RNF43: variants seen among roughly 807,000 people sequenced by gnomAD.
RNF43 encodes E3 ubiquitin-protein ligase RNF43.
Under a neutral mutation model 78.4 loss-of-function variants are expected in RNF43, and 37 were observed. That is an observed-to-expected ratio of 0.47 (90% confidence interval 0.36 to 0.62). The LOEUF (loss-of-function observed/expected upper bound fraction) is 0.62, where lower values mean the gene tolerates loss of function less well. Ranked by LOEUF, RNF43 falls within the 20% of genes least tolerant of loss-of-function variation. The probability of loss-of-function intolerance (pLI) is 0.00; values close to 1 mark genes in which losing one functional copy is unlikely to be tolerated. For synonymous variants in RNF43, 347 were observed against 395.0 expected (o/e 0.88, Z 1.44); for missense variants, 774 against 1,007.9 (o/e 0.77, Z 3.14).
rs2158460 is a variant in RNF43 at position 58,355,001 on chromosome 17, C to A, written c.2309-15G>T. The A allele has an allele frequency of 6.2e-7, 1 of 1,612,452 alleles. No homozygotes were observed. Among genetic ancestry groups the A allele is most frequent in the South Asian group, 1.1e-5 (1 of 91,010 alleles). On this transcript the variant is annotated splice_polypyrimidine_tract_variant and intron_variant, in intron 9 of 9. Coordinates refer to ENST00000407977, the MANE Select transcript of RNF43 (RefSeq NM_017763.6). The stretch of plus-strand genomic sequence containing the variant: ...CTCCTCTGAGCCTGTATTTAGAGAG[C>A]GGGGAGGAAAGAGGTCATTGAGGGT...
intron 2 of RNF43, among the ~76,000 whole-genome samples, chr17:58,414,469 G>T (rs1974085432): frequency 6.6e-6 from 1 of 152,174 alleles, no homozygotes; most frequent in African/African-American, 2.4e-5. Flanking sequence ...ATCATTTTAT[G>T]GAGTAAGACA....
chr17:58,403,269 T>C (rs1202468014), intron 2 of RNF43, among the ~76,000 whole-genome samples: 1 of 152,210 alleles, frequency 6.6e-6, no homozygotes, highest in Non-Finnish European at 1.5e-5. Context: ...CTTGCTAATG[T>C]TGCAAGTTTG....
intron 2 of RNF43, among the ~76,000 whole-genome samples, chr17:58,381,523 C>T (rs1185564895): frequency 6.6e-6 from 1 of 152,190 alleles, no homozygotes; most frequent in Non-Finnish European, 1.5e-5. Context: ...TGTAGCCTTC[C>T]AGGCAGGGGA....
At chr17:58,369,336 T>C (rs889211401) in intron 3 of RNF43, among the ~76,000 whole-genome samples, 1 of 152,026 alleles carries the variant, frequency 6.6e-6, no homozygotes, top group Non-Finnish European at 1.5e-5. Context: ...ATCTCTGGAG[T>C]CCCCTTCCTT....
In RNF43 at chr17:58,363,263, T is replaced by C; in HGVS notation, c.582+12A>G. ...AAGTGCAGGGCAAGGTCTGGAGGTC[T>C]AGTGTGCTTACCCAGGCCGGGGGCT... On this transcript the variant is annotated intron_variant, in intron 5 of 9. Transcript: ENST00000407977. 2 of 1,612,856 alleles carry C rather than the reference T, an allele frequency of 1.2e-6. No homozygotes were observed. Among genetic ancestry groups the C allele is most frequent in the Non-Finnish European group, 1.7e-6 (2 of 1,179,982 alleles).
intron 2 of RNF43, among the ~76,000 whole-genome samples, chr17:58,401,468 A>G (rs1851018878): frequency 6.6e-6 from 1 of 152,198 alleles, no homozygotes; most frequent in African/African-American, 2.4e-5. Context: ...GTCATAAAGA[A>G]CTTGACTTTT....
rs550605461 is a variant in RNF43 at position 58,354,712 on chromosome 17, T to G, written c.*231A>C. Reference sequence around the variant, plus strand: ...CAGCAGCTGGTTGCCTGGCTGGACATGGATTTGCTGCACTGCAGATGTTTT... The same window carrying G: ...CAGCAGCTGGTTGCCTGGCTGGACAGGGATTTGCTGCACTGCAGATGTTTT... On this transcript the variant is annotated 3_prime_UTR_variant, in exon 10 of 10. Coordinates refer to ENST00000407977, the MANE Select transcript of RNF43 (RefSeq NM_017763.6). The G allele has an allele frequency of 1.8e-6, 1 of 557,172 alleles. No individual in the cohort carries two copies. The allele number at this position is 557,172 out of a possible 1,614,324, so 34.5% of individuals were successfully genotyped here. A position where few individuals can be genotyped will look rare whatever the true frequency, so the allele number is the denominator to read the frequency against.
At chr17:58,401,478 T>C (rs577773664) in intron 2 of RNF43, among the ~76,000 whole-genome samples, 1 of 152,342 alleles carries the variant, frequency 6.6e-6, no homozygotes, top group African/African-American at 2.4e-5. Context: ...ACTTGACTTT[T>C]GATTCCATTG....
rs2143440821 is a variant in RNF43 at position 58,360,255 on chromosome 17, G to A, written c.850-4C>T. 1.2e-6 allele frequency: 2 copies of A among 1,611,632 alleles called. No homozygotes were observed. Among genetic ancestry groups the A allele is most frequent in the Non-Finnish European group, 1.7e-6 (2 of 1,177,792 alleles). ...GGCAGGAAATGACCCGTAGCTCCTG[G>A]AGAAAAAGAGGGGGTCCAAACCAAA... On this transcript the variant is annotated splice_region_variant and splice_polypyrimidine_tract_variant and intron_variant, in intron 7 of 9. Transcript: ENST00000407977. The surrounding 1 kb of genome is among the most constrained non-coding windows in gnomAD (Gnocchi z 4.3).
At chr17:58,397,475 A>G (rs975076910) in intron 2 of RNF43, among the ~76,000 whole-genome samples, 5 of 152,124 alleles carry the variant, frequency 3.3e-5, no homozygotes, top group African/African-American at 4.8e-5. Context: ...AGCCAGGCCA[A>G]CATGGTGAAA....
intron 2 of RNF43, among the ~76,000 whole-genome samples, chr17:58,413,160 T>A (rs1346502008): frequency 6.6e-6 from 1 of 152,158 alleles, no homozygotes; most frequent in Non-Finnish European, 1.5e-5. Flanking sequence ...TGTAATCTGA[T>A]AAGGAACAAA....
At chr17:58,359,393 G>A (rs993133949) in intron 8 of RNF43, among the ~76,000 whole-genome samples, 4 of 148,292 alleles carry the variant, frequency 2.7e-5, no homozygotes, top group African/African-American at 7.5e-5. Flanking sequence ...TCAGGAGATC[G>A]AGACCATCCT....
At chr17:58,403,545 TAAG>T (rs1349895256) in intron 2 of RNF43, among the ~76,000 whole-genome samples, 1 of 152,124 alleles carries the variant, frequency 6.6e-6, no homozygotes, top group African/African-American at 2.4e-5. Context: ...TGAAGGCCTC[TAAG>T]AAGGCGCTTT....
chr17:58,370,863 A>T (rs2143512616), intron 3 of RNF43, 48 bp downstream of exon 3: 1 of 1,509,202 alleles, frequency 6.6e-7, no homozygotes, highest in Non-Finnish European at 8.9e-7. Context: ...CTCACAGCCC[A>T]GAGCTGGGTG....
intron 3 of RNF43, among the ~76,000 whole-genome samples, chr17:58,364,934 G>A (rs116253522): frequency 0.015 from 2,267 of 152,340 alleles, 45 homozygotes; most frequent in African/African-American, 0.052. Context: ...GCAAGGCCCA[G>A]GGGGCCACTC....
chr17:58,393,131 G>C (rs2143610564), intron 2 of RNF43, among the ~76,000 whole-genome samples: 1 of 152,324 alleles, frequency 6.6e-6, no homozygotes, highest in Non-Finnish European at 1.5e-5. Context: ...TCTTGGGCCA[G>C]GCACGGTGAC....
At chr17:58,386,118 G>A (rs538894170) in intron 2 of RNF43, among the ~76,000 whole-genome samples, 2 of 146,480 alleles carry the variant, frequency 1.4e-5, no homozygotes, top group South Asian at 4.4e-4. Flanking sequence ...AACAAAAAAC[G>A]AAAAAACAAC....
At chr17:58,385,518 AT>A (rs1308482583) in intron 2 of RNF43, among the ~76,000 whole-genome samples, 1 of 152,168 alleles carries the variant, frequency 6.6e-6, no homozygotes, top group African/African-American at 2.4e-5. Context: ...AGTTGGAACC[AT>A]TACAGCAGAC....
rs1974108770 is a variant in RNF43 at position 58,415,662 on chromosome 17, T to G, written c.-85A>C. 3 of 1,478,006 alleles carry G rather than the reference T, an allele frequency of 2.0e-6. No homozygotes were observed. Among genetic ancestry groups the G allele is most frequent in the South Asian group, 1.2e-5 (1 of 84,014 alleles). 91.6% of individuals were successfully genotyped at this position (1,478,006 alleles called of 1,614,324 possible). ...ATGCAGGTTCTCAGATCCAGACAAA[T>G]GGAGGAAAAGAACATTTATGCTTCC... On this transcript the variant is annotated 5_prime_UTR_variant, in exon 2 of 10. Transcript: ENST00000407977.
Sources: allele counts gnomAD v4.1 joint callset (sites outside exome capture counted in the v4.1 genomes callset), GRCh38; gene constraint gnomAD v4.1.1; non-coding constraint Gnocchi (gnomAD v3.1); transcripts MANE v1.5; gene names NCBI Gene and HGNC (gene_info 2026-07-23, HGNC 2026-07-21).